The following LY75 variants were observed in gnomAD, a reference collection of about 807,000 sequenced individuals.
The protein encoded by LY75 is C-type lectin domain family 13 member B.
A neutral mutation model predicts 231.7 loss-of-function variants in LY75; 185 were observed. That is an observed-to-expected ratio of 0.80 (90% CI 0.71 to 0.90). The LOEUF (loss-of-function observed/expected upper bound fraction) is 0.90. Among genes scored for constraint, LY75 ranks in the 40% least tolerant of loss-of-function variants. LY75 has a pLI of 0.00. For synonymous variants in LY75, 668 were observed against 689.0 expected (o/e 0.97, Z 0.48); for missense variants, 1,947 against 2,050.2 (o/e 0.95, Z 0.97).
chr2:159,901,718 A>G (rs114822876), intron 1 of LY75, among the ~76,000 whole-genome samples: 418 of 152,352 alleles, frequency 2.7e-3, no homozygotes, highest in African/African-American at 9.7e-3. Flanking sequence ...ACAAACTGCT[A>G]CATCTCTGAA....
At chr2:159,897,678 G>A (rs1344315393) in intron 2 of LY75, among the ~76,000 whole-genome samples, 1 of 152,208 alleles carries the variant, frequency 6.6e-6, no homozygotes, top group Non-Finnish European at 1.5e-5. Flanking sequence ...GAAAGCCACT[G>A]TAAAGCTAGG....
Position 159,885,181 on chromosome 2 carries a change from T to C in LY75, c.1026A>G (p.Lys342=). 6.2e-7 allele frequency: 1 copy of C among 1,613,492 alleles called. No individual in the cohort carries two copies. The highest frequency in any genetic ancestry group is 8.5e-7 in the Non-Finnish European group (1 of 1,179,632). The change falls in exon 6 of 35, where the codon AAA becomes AAG. Residue 342 remains lysine (K), a synonymous_variant. Coordinates refer to ENST00000263636, the MANE Select transcript of LY75 (RefSeq NM_002349.4). ...CEAQLPYVCR[K]PLNNTVELTD... ...TTAACTCCACTGTATTATTTAATGG[T>C]TTCCTGCAGACATAGGGCAGTTGAG...
Position 159,853,745 on chromosome 2 carries a change from G to C in LY75, c.2596-48C>G, listed in dbSNP as rs747896628. On this transcript the variant is annotated intron_variant, in intron 18 of 34. Coordinates refer to ENST00000263636, the MANE Select transcript of LY75 (RefSeq NM_002349.4). Reference sequence around the variant, plus strand: ...ATCCTTATATGTGCTGAGCTTTCTTGAGGGTTTTGATTCGAATACATTGTC... The same window carrying C: ...ATCCTTATATGTGCTGAGCTTTCTTCAGGGTTTTGATTCGAATACATTGTC... 6 of 1,610,332 alleles carry C rather than the reference G, an allele frequency of 3.7e-6. No individual in the cohort carries two copies. In the African/African-American group the frequency reaches 8.0e-5, roughly 22 times the overall value.
chr2:159,862,660 G>A (rs958242354), intron 14 of LY75, among the ~76,000 whole-genome samples: 1 of 129,426 alleles, frequency 7.7e-6, no homozygotes, highest in African/African-American at 2.6e-5. Context: ...TGTATGATAC[G>A]TGAATGTATT....
chr2:159,837,677 C>A (rs892965514), intron 25 of LY75, among the ~76,000 whole-genome samples: 3 of 142,986 alleles, frequency 2.1e-5, no homozygotes, highest in African/African-American at 9.1e-5. Flanking sequence ...AGGGAATAAT[C>A]TCCTTTCAGC....
chr2:159,895,810 A>G (rs557369059), intron 2 of LY75, among the ~76,000 whole-genome samples: 1 of 152,364 alleles, frequency 6.6e-6, no homozygotes, highest in African/African-American at 2.4e-5. Context: ...TTGAAGAATG[A>G]TAAGCATACA....
intron 28 of LY75, among the ~76,000 whole-genome samples, chr2:159,826,997 A>G (rs1683491865): frequency 6.6e-6 from 1 of 152,228 alleles, no homozygotes; most frequent in Admixed American, 6.5e-5. Flanking sequence ...ACCTATGACC[A>G]TAAAAATCCT....
intron 28 of LY75, among the ~76,000 whole-genome samples, chr2:159,825,442 G>A (rs1683431691): frequency 6.6e-6 from 1 of 152,158 alleles, no homozygotes; most frequent in Non-Finnish European, 1.5e-5. Flanking sequence ...CCAATAACAA[G>A]TTCTGAAATT....
At chr2:159,871,450 TAATTTTTAAAATTAAAAAATTTAAAA>T (rs1277091393) in intron 13 of LY75, among the ~76,000 whole-genome samples, 49 of 152,260 alleles carry the variant, frequency 3.2e-4, no homozygotes, top group Middle Eastern at 3.4e-3. Flanking sequence ...CTAGTTGCTT[TAATTTTTAAAATTAAAAAATTTAAAA>T]AATTTTTAAA....
chr2:159,808,071 T>C (rs1682840611), intron 33 of LY75: 1 of 983,644 alleles, frequency 1.0e-6, no homozygotes. Context: ...AACGAAGTTA[T>C]AAGCTGCAAA....
In LY75 at chr2:159,850,791, T is replaced by TATATATATATATATATATATATATATAA. The variant is rs1341394980; in HGVS notation, c.2884-325_2884-324insTTATATATATATATATATATATATATAT. ...AAACTTTCATATATATATATATATA[T>TATATATATATATATATATATATATATAA]ATATATATTATATCTTATATATAAG... On this transcript the variant is annotated intron_variant, in intron 21 of 34. Coordinates refer to ENST00000263636, the MANE Select transcript of LY75 (RefSeq NM_002349.4). Among the ~76,000 whole-genome samples, 426 of 94,330 alleles carry TATATATATATATATATATATATATATAA rather than the reference T, an allele frequency of 4.5e-3. 10 individuals are homozygous for TATATATATATATATATATATATATATAA. Among genetic ancestry groups the TATATATATATATATATATATATATATAA allele is most frequent in the Non-Finnish European group, 6.5e-3 (284 of 43,698 alleles). 61.9% of individuals were successfully genotyped at this position (94,330 alleles called of 152,430 possible).
At chr2:159,831,592 TG>T in intron 28 of LY75, 77 bp downstream of exon 28, 1 of 1,480,484 alleles carries the variant, frequency 6.8e-7, no homozygotes, top group Non-Finnish European at 9.3e-7. Flanking sequence ...ACATGTACTT[TG>T]AAGAACTATG....
Position 159,840,904 on chromosome 2 carries a change from A to G in LY75, c.3332T>C (p.Leu1111Pro). The change falls in exon 25 of 35, where the codon CTA (leucine) becomes CCA (proline). Residue 1111 changes from leucine to proline, a missense_variant. Coordinates refer to ENST00000263636, the MANE Select transcript of LY75 (RefSeq NM_002349.4). Reference protein sequence around the residue: ...LQNASETVKYLNNLYKIIPKT... With the variant: ...LQNASETVKYPNNLYKIIPKT... ...TGGGATTATTTTGTACAGATTATTT[A>G]GATACTTTACAGTTTCTGAAGCATT... 5 of 1,614,066 alleles carry G rather than the reference A, an allele frequency of 3.1e-6. No individual in the cohort carries two copies. Among genetic ancestry groups the G allele is most frequent in the Non-Finnish European group, 4.2e-6 (5 of 1,179,976 alleles).
At chr2:159,863,484 T>C (rs183133830) in intron 14 of LY75, among the ~76,000 whole-genome samples, 4 of 152,302 alleles carry the variant, frequency 2.6e-5, no homozygotes, top group African/African-American at 7.2e-5. Flanking sequence ...TTTTTTATAA[T>C]AATCATTCTG....
At position 159,808,532 on chromosome 2, in the gene LY75, T is replaced by A; in HGVS notation, c.4739A>T (p.Glu1580Val). The part of the protein sequence containing the change: ...ATIVSIKDED[E>V]NKFVSRLMRE... ...CATCAGTCTGCTCACAAATTTATTCTCATCTTCATCTTTTATGGAAACGAT... is the reference window on the plus strand; with the variant it reads ...CATCAGTCTGCTCACAAATTTATTCACATCTTCATCTTTTATGGAAACGAT... The change falls in exon 33 of 35, where the codon GAG becomes GTG. Residue 1580 changes from glutamate to valine, a missense_variant. Coordinates refer to ENST00000263636, the MANE Select transcript of LY75 (RefSeq NM_002349.4). 6.2e-7 allele frequency: 1 copy of A among 1,613,832 alleles called. No homozygotes were observed. Among genetic ancestry groups the A allele is most frequent in the Non-Finnish European group, 8.5e-7 (1 of 1,179,966 alleles).
chr2:159,820,123 A>G (rs113963426), intron 28 of LY75, among the ~76,000 whole-genome samples: 14 of 152,352 alleles, frequency 9.2e-5, no homozygotes, highest in African/African-American at 3.1e-4. Flanking sequence ...AATACAAACT[A>G]TAAATATTGA....
At chr2:159,861,890 C>T (rs895064400) in intron 14 of LY75, among the ~76,000 whole-genome samples, 1 of 152,038 alleles carries the variant, frequency 6.6e-6, no homozygotes, top group South Asian at 2.1e-4. Flanking sequence ...AGATGTGGCT[C>T]ACACCTGTAA....
intron 28 of LY75, among the ~76,000 whole-genome samples, chr2:159,830,532 G>T (rs1030133474): frequency 6.6e-6 from 1 of 150,594 alleles, no homozygotes; most frequent in African/African-American, 2.4e-5. Context: ...GTGGTATTTA[G>T]TCCAAATTCC....
chr2:159,864,205 G>GATTGTTTC (rs1248831031), intron 14 of LY75, among the ~76,000 whole-genome samples: 1 of 152,094 alleles, frequency 6.6e-6, no homozygotes, highest in Non-Finnish European at 1.5e-5. Context: ...TCACTCTGTT[G>GATTGTTTC]ATTGTTTCCT....
Sources: allele counts gnomAD v4.1 joint callset (sites outside exome capture counted in the v4.1 genomes callset), GRCh38; gene constraint gnomAD v4.1.1; transcripts MANE v1.5; gene names NCBI Gene and HGNC (gene_info 2026-07-23, HGNC 2026-07-21).